Variants in ITGBL1 observed in about 807,000 individuals in gnomAD.
ITGBL1 encodes the protein integrin subunit beta like 1, also known as integrin beta-like protein 1.
Under a neutral mutation model 68.5 loss-of-function variants are expected in ITGBL1, and 51 were observed. The observed-to-expected ratio is 0.74, with a 90% CI of 0.59 to 0.94. ITGBL1 has a LOEUF of 0.94. Ranked by LOEUF, ITGBL1 falls within the 40% of genes least tolerant of loss-of-function variation. The probability of loss-of-function intolerance (pLI) is 0.00; values close to 1 mark genes in which losing one functional copy is unlikely to be tolerated. For missense variants in ITGBL1, 649 were observed against 647.4 expected (o/e 1.00, Z -0.03); for synonymous variants, 209 against 227.3 (o/e 0.92, Z 0.72).
At chr13:101,479,114 T>C (rs1230510580) in intron 2 of ITGBL1, among the ~76,000 whole-genome samples, 1 of 151,914 alleles carries the variant, frequency 6.6e-6, no homozygotes, top group East Asian at 1.9e-4. Context: ...AACAGACATA[T>C]AGACTGAAGG....
chr13:101,645,496 GA>G (rs35239493), intron 7 of ITGBL1, among the ~76,000 whole-genome samples: 29 of 150,172 alleles, frequency 1.9e-4, no homozygotes, highest in South Asian at 6.3e-4. Context: ...TTATAAACCT[GA>G]AAAAAAAAAT....
At chr13:101,509,900 ATTAACTTAC>A (rs563128851) in intron 2 of ITGBL1, among the ~76,000 whole-genome samples, 44 of 142,554 alleles carry the variant, frequency 3.1e-4, no homozygotes, top group Non-Finnish European at 6.0e-4. Context: ...TACTATAACA[ATTAACTTAC>A]TTAATTCAAC....
intron 7 of ITGBL1, among the ~76,000 whole-genome samples, chr13:101,603,671 G>A (rs1566752352): frequency 7.2e-6 from 1 of 139,122 alleles, no homozygotes; most frequent in Non-Finnish European, 1.6e-5. Flanking sequence ...CCATAGGAAG[G>A]CTAACCACTG....
chr13:101,623,658 G>A (rs532075991), intron 7 of ITGBL1, among the ~76,000 whole-genome samples: 1 of 152,280 alleles, frequency 6.6e-6, no homozygotes, highest in South Asian at 2.1e-4. Context: ...AGTCACTGTA[G>A]TTCAAAGATG....
At chr13:101,612,347 C>A (rs1370224951) in intron 7 of ITGBL1, among the ~76,000 whole-genome samples, 2 of 152,086 alleles carry the variant, frequency 1.3e-5, no homozygotes, top group South Asian at 2.1e-4. Flanking sequence ...GCCAAGATTT[C>A]TTTGCAGAGC....
At chr13:101,562,453 C>T (rs2050115830) in intron 2 of ITGBL1, among the ~76,000 whole-genome samples, 1 of 151,880 alleles carries the variant, frequency 6.6e-6, no homozygotes, top group Non-Finnish European at 1.5e-5. Flanking sequence ...GACTTTAAGA[C>T]ATTGACAGGT....
chr13:101,584,114 GT>G (rs2050511026), intron 6 of ITGBL1, among the ~76,000 whole-genome samples: 1 of 152,158 alleles, frequency 6.6e-6, no homozygotes, highest in African/African-American at 2.4e-5. Context: ...ATATCAATTA[GT>G]AGATTCAAAA....
chr13:101,499,907 T>G (rs1352837313), intron 2 of ITGBL1, among the ~76,000 whole-genome samples: 1 of 152,214 alleles, frequency 6.6e-6, no homozygotes, highest in African/African-American at 2.4e-5. Context: ...TGCGTCAGCC[T>G]CCTTCCACTG....
chr13:101,682,371 A>G (rs1458496186), intron 7 of ITGBL1, among the ~76,000 whole-genome samples: 3 of 152,124 alleles, frequency 2.0e-5, no homozygotes, highest in Non-Finnish European at 4.4e-5. Context: ...AAATAATAGT[A>G]TTTTGTTTAT....
At chr13:101,492,211 C>G (rs969982834) in intron 2 of ITGBL1, among the ~76,000 whole-genome samples, 6 of 152,084 alleles carry the variant, frequency 3.9e-5, no homozygotes, top group African/African-American at 1.4e-4. Context: ...TGGAAGACAG[C>G]GTGGTGATTC....
intron 2 of ITGBL1, among the ~76,000 whole-genome samples, chr13:101,533,746 C>A (rs2049522471): frequency 8.6e-6 from 1 of 115,970 alleles, no homozygotes; most frequent in Non-Finnish European, 1.8e-5. Flanking sequence ...TGCTGAAGTA[C>A]AATAAAAGAG....
chr13:101,536,187 A>T (rs1301316806), intron 2 of ITGBL1, among the ~76,000 whole-genome samples: 1 of 151,958 alleles, frequency 6.6e-6, no homozygotes. Context: ...TCTGCGTGGC[A>T]AATAATCAAA....
intron 7 of ITGBL1, among the ~76,000 whole-genome samples, chr13:101,688,205 G>A (rs1412618394): frequency 6.6e-6 from 1 of 152,094 alleles, no homozygotes; most frequent in Admixed American, 6.5e-5. Context: ...CCGTTAGTCT[G>A]GACCGTAGTG....
intron 7 of ITGBL1, among the ~76,000 whole-genome samples, chr13:101,631,878 G>A (rs955187126): frequency 6.6e-6 from 1 of 152,066 alleles, no homozygotes; most frequent in African/African-American, 2.4e-5. Flanking sequence ...TAATATAAAT[G>A]TTTGAAAAAG....
At chr13:101,557,438 CT>C (rs1280076668) in intron 2 of ITGBL1, among the ~76,000 whole-genome samples, 1 of 152,146 alleles carries the variant, frequency 6.6e-6, no homozygotes, top group Non-Finnish European at 1.5e-5. Context: ...CCTTGTGCCC[CT>C]GTATTAAAAA....
intron 7 of ITGBL1, among the ~76,000 whole-genome samples, chr13:101,606,225 A>G (rs1335024572): frequency 1.4e-5 from 2 of 147,568 alleles, no homozygotes; most frequent in Non-Finnish European, 3.0e-5. Context: ...TATATGTATC[A>G]GAAATTAAGT....
intron 9 of ITGBL1, among the ~76,000 whole-genome samples, chr13:101,709,225 C>T (rs1022984588): frequency 6.7e-6 from 1 of 150,346 alleles, no homozygotes; most frequent in African/African-American, 2.5e-5. Context: ...ATTAGCCGGG[C>T]GCGGTGGCGG....
intron 2 of ITGBL1, among the ~76,000 whole-genome samples, chr13:101,562,786 C>CTGT (rs1336114519): frequency 5.3e-5 from 8 of 151,718 alleles, no homozygotes; most frequent in African/African-American, 1.9e-4. Flanking sequence ...TATAGCAAAC[C>CTGT]TGAACAAAAC....
chr13:101,571,629 A>G (rs558523707), intron 3 of ITGBL1, among the ~76,000 whole-genome samples: 70 of 152,222 alleles, frequency 4.6e-4, no homozygotes, highest in South Asian at 3.3e-3. Context: ...CTCACCTTAT[A>G]GATAACCAAC....
Sources: gnomAD v4.1 joint callset for allele counts (sites outside exome capture counted in the v4.1 genomes callset) on GRCh38, gnomAD v4.1.1 for gene constraint, MANE v1.5 for transcripts, NCBI Gene and HGNC (gene_info 2026-07-23, HGNC 2026-07-21) for gene names.